DLG2: variants seen among roughly 807,000 people sequenced by gnomAD.
DLG2 encodes the protein disks large homolog 2.
In DLG2, 45 loss-of-function variants were observed where a neutral mutation model predicts 132.5. The ratio of observed to expected loss-of-function variants is 0.34; its 90% CI spans 0.27 to 0.44. The LOEUF (loss-of-function observed/expected upper bound fraction) is 0.44, where lower values mean the gene tolerates loss of function less well. DLG2 is among the 20% of genes least tolerant of loss of function. DLG2 has a pLI of 1.00. For missense variants in DLG2, 1,045 were observed against 1,196.9 expected, an observed-to-expected ratio of 0.87 and a Z score of 1.87; for synonymous variants, 424 against 419.6, an observed-to-expected ratio of 1.01 and a Z score of -0.13.
intron 17 of DLG2, among the ~76,000 whole-genome samples, chr11:83,799,544 A>T (rs1297971254): frequency 6.6e-6 from 1 of 152,142 alleles, no homozygotes; most frequent in African/African-American, 2.4e-5. Flanking sequence ...GAGAGAGGAA[A>T]ACAGAGGAAG....
chr11:84,400,523 G>A (rs912568178), intron 7 of DLG2, among the ~76,000 whole-genome samples: 1 of 152,082 alleles, frequency 6.6e-6, no homozygotes, highest in Non-Finnish European at 1.5e-5. Flanking sequence ...TCTCCAACAC[G>A]TCTTCTTAGG....
At chr11:84,955,029 A>T (rs1056384328) in intron 6 of DLG2, among the ~76,000 whole-genome samples, 1 of 152,222 alleles carries the variant, frequency 6.6e-6, no homozygotes, top group South Asian at 2.1e-4. Context: ...CAACAATCAC[A>T]GATAATATGT....
chr11:83,470,228 A>C (rs369241531), intron 24 of DLG2, among the ~76,000 whole-genome samples: 1 of 152,088 alleles, frequency 6.6e-6, no homozygotes, highest in Non-Finnish European at 1.5e-5. Context: ...ATGTTCATAA[A>C]GAATGATTAA....
intron 7 of DLG2, among the ~76,000 whole-genome samples, chr11:84,507,399 T>C (rs1385915730): frequency 2.6e-5 from 4 of 152,212 alleles, no homozygotes; most frequent in African/African-American, 9.6e-5. Context: ...TGAGATTTAC[T>C]GAGATTTAAA....
chr11:84,485,150 T>C lies in DLG2; in HGVS notation c.519+49420A>G, dbSNP rs2099147598. Among the ~76,000 whole-genome samples the C allele has an allele frequency of 3.3e-5, 5 of 152,288 alleles. No individual in the cohort carries two copies. In the South Asian group the frequency reaches 1.0e-3, roughly 32 times the overall value. On this transcript the variant is annotated intron_variant, in intron 7 of 27. Coordinates refer to ENST00000376104, the MANE Select transcript of DLG2 (RefSeq NM_001142699.3). Reference sequence around the variant, plus strand: ...GGTCTTTACACAGTAAAGAATTTAATTGGATGTTCCTAAATCAGCTAAAAG... The same window carrying C: ...GGTCTTTACACAGTAAAGAATTTAACTGGATGTTCCTAAATCAGCTAAAAG...
At chr11:83,944,850 G>A (rs1218503718) in intron 14 of DLG2, among the ~76,000 whole-genome samples, 4 of 152,128 alleles carry the variant, frequency 2.6e-5, no homozygotes, top group Non-Finnish European at 5.9e-5. Flanking sequence ...CGTGCAGCAG[G>A]GTGGTATACA....
intron 3 of DLG2, among the ~76,000 whole-genome samples, chr11:85,424,067 A>G (rs2090527394): frequency 6.6e-6 from 1 of 152,198 alleles, no homozygotes; most frequent in Non-Finnish European, 1.5e-5. Context: ...GAGGCCAGGC[A>G]AAAATGGCTT....
At chr11:85,054,544 T>C (rs914681113) in intron 6 of DLG2, among the ~76,000 whole-genome samples, 1 of 152,100 alleles carries the variant, frequency 6.6e-6, no homozygotes, top group Non-Finnish European at 1.5e-5. Context: ...GAAAACAAAT[T>C]GTTCTACCAA....
chr11:83,957,464 T>C (rs1399270191), intron 14 of DLG2, among the ~76,000 whole-genome samples: 1 of 152,132 alleles, frequency 6.6e-6, no homozygotes. Context: ...TCCTCTTCTC[T>C]TCCATTGCTA....
At chr11:83,537,515 C>T (rs1319138233) in intron 20 of DLG2, among the ~76,000 whole-genome samples, 5 of 152,024 alleles carry the variant, frequency 3.3e-5, no homozygotes, top group South Asian at 2.1e-4. Flanking sequence ...ATCTCTTTGG[C>T]TTAAGAGAGC....
chr11:84,530,590 A>T (rs2099334829), intron 7 of DLG2, among the ~76,000 whole-genome samples: 1 of 152,226 alleles, frequency 6.6e-6, no homozygotes, highest in African/African-American at 2.4e-5. Flanking sequence ...GTCTTACACC[A>T]GTTAGAATGG....
chr11:85,367,849 T>G (rs1239752965), intron 3 of DLG2, among the ~76,000 whole-genome samples: 2 of 152,298 alleles, frequency 1.3e-5, no homozygotes, highest in African/African-American at 4.8e-5. Flanking sequence ...GATTTTCTCA[T>G]AGTAATTTCC....
At chr11:84,379,788 A>T (rs952016326) in intron 7 of DLG2, among the ~76,000 whole-genome samples, 2 of 152,000 alleles carry the variant, frequency 1.3e-5, no homozygotes, top group African/African-American at 4.8e-5. Context: ...ACTAAAAAAA[A>T]AAACAAGTTT....
At chr11:85,158,196 G>A (rs1192870704) in intron 4 of DLG2, among the ~76,000 whole-genome samples, 1 of 152,186 alleles carries the variant, frequency 6.6e-6, no homozygotes, top group African/African-American at 2.4e-5. Flanking sequence ...ACAGGCATGG[G>A]AATGGATATT....
intron 18 of DLG2, among the ~76,000 whole-genome samples, chr11:83,723,099 G>A (rs926742127): frequency 3.9e-5 from 6 of 152,220 alleles, no homozygotes; most frequent in African/African-American, 1.2e-4. Context: ...ACAACAAAAC[G>A]GCCAGGGGTG....
Position 85,289,574 on chromosome 11 carries a change from G to A in DLG2, c.41-4209C>T, listed in dbSNP as rs542701267. Among the ~76,000 whole-genome samples, 9 of 152,272 alleles carry A rather than the reference G, an allele frequency of 5.9e-5. No individual in the cohort carries two copies. The East Asian group carries it at 1.7e-3, about 29-fold the overall frequency. On this transcript the variant is annotated intron_variant, in intron 3 of 27. Coordinates refer to ENST00000376104, the MANE Select transcript of DLG2 (RefSeq NM_001142699.3). ...TATGTTTGGAAAGTTGTAGGGGATT[G>A]TCTTCTTACAGCTTCAACAAACAGA...
At chr11:85,615,396 A>G (rs1407018384) in intron 2 of DLG2, among the ~76,000 whole-genome samples, 1 of 152,106 alleles carries the variant, frequency 6.6e-6, no homozygotes, top group Non-Finnish European at 1.5e-5. Context: ...GGGTGCCTGT[A>G]ATCCCAGCTA....
intron 3 of DLG2, among the ~76,000 whole-genome samples, chr11:85,324,882 T>C (rs550011865): frequency 1.1e-3 from 164 of 148,154 alleles, no homozygotes; most frequent in African/African-American, 4.0e-3. Flanking sequence ...CACTAGGGAG[T>C]GCCAGACAGT....
chr11:84,446,462 C>A (rs2099035249), intron 7 of DLG2, among the ~76,000 whole-genome samples: 1 of 151,824 alleles, frequency 6.6e-6, no homozygotes, highest in South Asian at 2.1e-4. Context: ...TGTGGGAGTC[C>A]CTGCGACCTT....
Sources: allele counts gnomAD v4.1 joint callset (sites outside exome capture counted in the v4.1 genomes callset), GRCh38; gene constraint gnomAD v4.1.1; transcripts MANE v1.5; gene names NCBI Gene and HGNC (gene_info 2026-07-23, HGNC 2026-07-21).